Variants in METTL14 observed in about 807,000 individuals in gnomAD.
METTL14 encodes methyltransferase 14, N6-adenosine-methyltransferase non-catalytic subunit.
A neutral mutation model predicts 62.4 loss-of-function variants in METTL14; 32 were observed. That is an observed-to-expected ratio of 0.51 (90% confidence interval 0.39 to 0.69). METTL14 has a LOEUF of 0.69. Among genes scored for constraint, METTL14 ranks in the 30% least tolerant of loss-of-function variants. METTL14 has a pLI of 0.00. For synonymous variants in METTL14, 150 were observed against 180.0 expected (o/e 0.83, Z 1.34); for missense variants, 340 against 551.9 (o/e 0.62, Z 3.85).
intron 2 of METTL14, among the ~76,000 whole-genome samples, chr4:118,688,704 T>C (rs1338801224): frequency 6.6e-6 from 1 of 152,192 alleles, no homozygotes; most frequent in Non-Finnish European, 1.5e-5. Context: ...AAATAGAGTC[T>C]CGCTCTGTCA....
At chr4:118,703,390 A>G (rs138092676) in intron 8 of METTL14, among the ~76,000 whole-genome samples, 249 of 152,338 alleles carry the variant, frequency 1.6e-3, no homozygotes, top group African/African-American at 5.7e-3. Flanking sequence ...GATTATATAG[A>G]GATGAAAGTA....
Position 118,711,387 on chromosome 4 carries a change from T to C in METTL14, c.*1085T>C, listed in dbSNP as rs896428909. On this transcript the variant is annotated 3_prime_UTR_variant, in exon 11 of 11. Coordinates refer to ENST00000388822, the MANE Select transcript of METTL14 (RefSeq NM_020961.4). ...ATTTGATAATGAAATTATACTATTA[T>C]CATTCTTGATGAATACTTTTCTTAT... is the stretch of plus-strand genomic sequence containing the variant. 4 of 152,218 alleles carry C rather than the reference T, an allele frequency of 2.6e-5. 1 individual carries two copies. The highest frequency in any genetic ancestry group is 9.6e-5 in the African/African-American group (4 of 41,454). The allele number at this position is 152,218 out of a possible 1,614,324, so 9.4% of individuals were successfully genotyped here.
intron 8 of METTL14, among the ~76,000 whole-genome samples, chr4:118,703,688 A>G (rs1724673289): frequency 6.6e-6 from 1 of 152,180 alleles, no homozygotes; most frequent in African/African-American, 2.4e-5. Context: ...AATCCTTTCT[A>G]TGTTTTGATA....
At position 118,703,919 on chromosome 4, in the gene METTL14, A is replaced by G; in HGVS notation, c.739-16A>G. ...TTTAAGTTAAGGATTTGTGTTTAAAATTCTTTTGTTTCTAGTGTTTACGAA... is the reference window on the plus strand; with the variant it reads ...TTTAAGTTAAGGATTTGTGTTTAAAGTTCTTTTGTTTCTAGTGTTTACGAA... On this transcript the variant is annotated splice_polypyrimidine_tract_variant and intron_variant, in intron 8 of 10. Coordinates refer to ENST00000388822, the MANE Select transcript of METTL14 (RefSeq NM_020961.4). 1.4e-6 allele frequency: 2 copies of G among 1,388,350 alleles called. No homozygotes were observed. The highest frequency in any genetic ancestry group is 2.0e-6 in the Non-Finnish European group (2 of 1,010,114). 86.0% of individuals were successfully genotyped at this position (1,388,350 alleles called of 1,614,324 possible).
At chr4:118,700,487 T>G in intron 7 of METTL14, 63 bp from the exon 8 acceptor site, 1 of 1,317,014 alleles carries the variant, frequency 7.6e-7, no homozygotes, top group Non-Finnish European at 1.1e-6. Flanking sequence ...TTGTTGTTCT[T>G]TTGGATTTAG....
chr4:118,704,534 G>A (rs1314482373), intron 9 of METTL14, among the ~76,000 whole-genome samples: 4 of 152,070 alleles, frequency 2.6e-5, no homozygotes, highest in African/African-American at 9.7e-5. Flanking sequence ...TGGTGGGAGG[G>A]TCTTTCTTAT....
intron 7 of METTL14, among the ~76,000 whole-genome samples, chr4:118,700,139 G>A (rs933455044): frequency 2.6e-5 from 4 of 151,898 alleles, no homozygotes; most frequent in African/African-American, 9.7e-5. Flanking sequence ...CAGTCCTCCC[G>A]AAACATTTAT....
chr4:118,685,728 G>T (rs1185937374), intron 1 of METTL14, 128 bp downstream of exon 1: 8 of 777,282 alleles, frequency 1.0e-5, no homozygotes. Flanking sequence ...CTGGTCCTGC[G>T]ATCTTGATCC....
At chr4:118,705,884 C>G in intron 10 of METTL14, 63 bp downstream of exon 10, 1 of 1,238,264 alleles carries the variant, frequency 8.1e-7, no homozygotes, top group Non-Finnish European at 1.2e-6. Context: ...AGAAATAGGA[C>G]ATGGTGCTGT....
chr4:118,697,449 T>C, intron 7 of METTL14, 126 bp downstream of exon 7: 2 of 839,286 alleles, frequency 2.4e-6, no homozygotes, highest in South Asian at 4.6e-5. Flanking sequence ...AGATTTATAG[T>C]GTAAATTATA....
At chr4:118,691,262 T>C (rs532058965) in intron 3 of METTL14, among the ~76,000 whole-genome samples, 9 of 152,276 alleles carry the variant, frequency 5.9e-5, no homozygotes, top group South Asian at 2.1e-4. Context: ...CTAACACTTA[T>C]AGTATTGTAT....
At chr4:118,692,572 A>T (rs1044261668) in intron 5 of METTL14, among the ~76,000 whole-genome samples, 1 of 151,958 alleles carries the variant, frequency 6.6e-6, no homozygotes, top group Non-Finnish European at 1.5e-5. Context: ...CAGGCCCTGT[A>T]TACCTTCTTT....
chr4:118,689,705 C>T (rs1724186829), intron 3 of METTL14, among the ~76,000 whole-genome samples: 1 of 149,366 alleles, frequency 6.7e-6, no homozygotes, highest in African/African-American at 2.5e-5. Context: ...TGTAATGGCA[C>T]AATCTCGGCT....
chr4:118,699,933 TCATGTTA>T (rs1254782044), intron 7 of METTL14, among the ~76,000 whole-genome samples: 7 of 152,190 alleles, frequency 4.6e-5, no homozygotes, highest in Admixed American at 3.9e-4. Context: ...GTATTCTTTT[TCATGTTA>T]GAGAGTCGGT....
In METTL14 at chr4:118,697,205, C is replaced by T. The variant is rs780323764; in HGVS notation, c.527C>T (p.Ala176Val). 6 of 1,609,534 alleles carry T rather than the reference C, an allele frequency of 3.7e-6. No individual in the cohort carries two copies. The highest frequency in any genetic ancestry group is 5.1e-6 in the Non-Finnish European group (6 of 1,178,340). The change falls in exon 7 of 11, where the codon GCC becomes GTC. Residue 176 changes from alanine to valine, a missense_variant. Ala to Val is a moderately conservative substitution (Grantham distance 64). This residue lies in a region of METTL14 where 41 missense variants were observed against 44.0 expected (regional missense o/e 0.93). Transcript: ENST00000388822. ...AGGTACTTACAAGCCGATATAGAAG[C>T]CTTTGACATCAGAGAACTAACACCC... Reference protein sequence around the residue: ...PPMYLQADIEAFDIRELTPKF... With the variant: ...PPMYLQADIEVFDIRELTPKF...
At chr4:118,693,212 T>C (rs528613870) in intron 5 of METTL14, among the ~76,000 whole-genome samples, 1 of 152,218 alleles carries the variant, frequency 6.6e-6, no homozygotes, top group Non-Finnish European at 1.5e-5. Context: ...TTACTGTGGT[T>C]TTGATTTGCA....
In METTL14 at chr4:118,690,027, A is replaced by G. The variant is rs569309428; in HGVS notation, c.243+570A>G. On this transcript the variant is annotated intron_variant, in intron 3 of 10. Coordinates refer to ENST00000388822, the MANE Select transcript of METTL14 (RefSeq NM_020961.4). ...CATAATGTCTGGTAAGAACTAGGTA[A>G]TAATATTCTTTTTTTTTTTTTTTTT... Among the ~76,000 whole-genome samples the G allele has an allele frequency of 1.7e-3, 231 of 138,858 alleles. 1 individual carries two copies. Among genetic ancestry groups the G allele is most frequent in the Non-Finnish European group, 3.2e-3 (206 of 64,700 alleles). The allele number at this position is 138,858 out of a possible 152,430, so 91.1% of individuals were successfully genotyped here.
intron 7 of METTL14, 69 bp downstream of exon 7, chr4:118,697,392 A>G (rs1227164151): frequency 2.3e-6 from 3 of 1,326,318 alleles, no homozygotes; most frequent in Middle Eastern, 1.9e-4. Context: ...TTGGTCAGAA[A>G]GTGAGATAAT....
intron 9 of METTL14, 151 bp from the exon 10 acceptor site, chr4:118,705,460 C>G (rs1410288518): frequency 3.0e-6 from 2 of 664,004 alleles, no homozygotes; most frequent in Admixed American, 5.6e-5. Context: ...GGTGACAGAG[C>G]GAGACCCAGT....
Sources: allele counts gnomAD v4.1 joint callset (sites outside exome capture counted in the v4.1 genomes callset), GRCh38; gene constraint gnomAD v4.1.1; regional missense constraint gnomAD v4.1.1; transcripts MANE v1.5; gene names NCBI Gene and HGNC (gene_info 2026-07-23, HGNC 2026-07-21).